Variants in CCDC83 observed in about 807,000 individuals in gnomAD.
CCDC83 encodes the protein coiled-coil domain containing 83.
Under a neutral mutation model 50.1 loss-of-function variants are expected in CCDC83, and 54 were observed. The ratio of observed to expected loss-of-function variants is 1.08; its 90% CI spans 0.87 to 1.35. The LOEUF (loss-of-function observed/expected upper bound fraction) is 1.35, where lower values mean the gene tolerates loss of function less well. CCDC83 is among the 40% of genes most tolerant of loss of function. The pLI is 0.00. For synonymous variants in CCDC83, 161 were observed against 153.3 expected, an observed-to-expected ratio of 1.05 and a Z score of -0.37; for missense variants, 518 against 473.9, an observed-to-expected ratio of 1.09 and a Z score of -0.86.
chr11:85,917,231 A>AAAGAAAGAAAG (rs1554986962), intron 10 of CCDC83, among the ~76,000 whole-genome samples: 3 of 134,070 alleles, frequency 2.2e-5, no homozygotes. Context: ...AGAAAGAAAG[A>AAAGAAAGAAAG]AAAGAAAGAA....
chr11:85,883,625 T>C (rs1002657167), intron 4 of CCDC83, among the ~76,000 whole-genome samples: 1 of 152,196 alleles, frequency 6.6e-6, no homozygotes, highest in Non-Finnish European at 1.5e-5. Flanking sequence ...CTAAACTTGC[T>C]GCTAAGATTT....
At chr11:85,857,086 A>G (rs2093145943) in intron 1 of CCDC83, among the ~76,000 whole-genome samples, 1 of 152,148 alleles carries the variant, frequency 6.6e-6, no homozygotes, top group Non-Finnish European at 1.5e-5. Flanking sequence ...CACCACCAGC[A>G]TGTCTGACAA....
At chr11:85,884,533 C>G (rs2093317247) in intron 4 of CCDC83, among the ~76,000 whole-genome samples, 2 of 152,124 alleles carry the variant, frequency 1.3e-5, no homozygotes, top group Non-Finnish European at 2.9e-5. Context: ...ATAAAAAATC[C>G]AAGTCAAACT....
chr11:85,899,892 C>T (rs755896943), intron 7 of CCDC83, among the ~76,000 whole-genome samples: 1 of 152,080 alleles, frequency 6.6e-6, no homozygotes, highest in Non-Finnish European at 1.5e-5. Flanking sequence ...CATCCTACCT[C>T]TCCTGAGGGC....
intron 6 of CCDC83, 24 bp from the exon 7 acceptor site, chr11:85,898,923 C>G (rs2093387563): frequency 6.4e-7 from 1 of 1,572,976 alleles, no homozygotes; most frequent in Admixed American, 1.7e-5. Flanking sequence ...GCAACTCTTC[C>G]TTAATCCAGA....
intron 10 of CCDC83, among the ~76,000 whole-genome samples, chr11:85,917,157 A>AGAGAG (rs2093481759): frequency 9.8e-6 from 1 of 101,772 alleles, no homozygotes; most frequent in African/African-American, 3.8e-5. Flanking sequence ...AGAGAGAGAG[A>AGAGAG]GAGAGAGAGA....
chr11:85,882,786 C>A, intron 4 of CCDC83, 111 bp downstream of exon 4: 1 of 1,002,238 alleles, frequency 1.0e-6, no homozygotes. Flanking sequence ...GTATTTTAAA[C>A]GGCATCATTA....
chr11:85,899,333 G>A (rs2093390092), intron 7 of CCDC83, among the ~76,000 whole-genome samples: 1 of 152,186 alleles, frequency 6.6e-6, no homozygotes, highest in South Asian at 2.1e-4. Flanking sequence ...AAGTCTAAAG[G>A]ACCATTCTAA....
chr11:85,893,958 A>C (rs757400168), intron 5 of CCDC83, among the ~76,000 whole-genome samples: 1 of 152,110 alleles, frequency 6.6e-6, no homozygotes, highest in Non-Finnish European at 1.5e-5. Flanking sequence ...GAATGAACAA[A>C]TTGGACTCAC....
intron 5 of CCDC83, among the ~76,000 whole-genome samples, chr11:85,893,374 G>T (rs1216447148): frequency 6.6e-6 from 1 of 152,180 alleles, no homozygotes; most frequent in East Asian, 1.9e-4. Context: ...GAGTTCTGGT[G>T]GTAGCTGCCT....
At chr11:85,881,694 C>G (rs2093301375) in intron 3 of CCDC83, among the ~76,000 whole-genome samples, 1 of 152,184 alleles carries the variant, frequency 6.6e-6, no homozygotes, top group African/African-American at 2.4e-5. Context: ...ACTGGAATTA[C>G]AGGCATGAGC....
At chr11:85,891,953 G>A (rs946562443) in intron 5 of CCDC83, among the ~76,000 whole-genome samples, 1 of 152,158 alleles carries the variant, frequency 6.6e-6, no homozygotes, top group Non-Finnish European at 1.5e-5. Flanking sequence ...CAGTGAGTTG[G>A]GGCGGCTCTA....
At chr11:85,879,896 G>A (rs2093290196) in intron 3 of CCDC83, among the ~76,000 whole-genome samples, 2 of 152,290 alleles carry the variant, frequency 1.3e-5, no homozygotes, top group South Asian at 4.1e-4. Flanking sequence ...AATTACAGGC[G>A]TGAGCCACCG....
intron 1 of CCDC83, among the ~76,000 whole-genome samples, chr11:85,859,601 G>C (rs1478145892): frequency 6.6e-6 from 1 of 152,180 alleles, no homozygotes; most frequent in Non-Finnish European, 1.5e-5. Context: ...ATGGTGCTGG[G>C]ATAACTGGCT....
At chr11:85,855,337 T>A (rs1007534059), upstream of CCDC83, 1 of 152,532 alleles carries the variant, frequency 6.6e-6, no homozygotes, top group African/African-American at 2.4e-5. Context: ...GGGCCTGGGC[T>A]TGCGCCGCTT....
rs1384918258 is a variant in CCDC83, at chr11:85,916,049, C to T, written c.896C>T (p.Pro299Leu). ...THIEEKSELQ[P>L]TEVESRDLMS... The stretch of plus-strand genomic sequence containing the variant: ...CAAGAAGAGAAGTCAGAATTGCAAC[C>T]CACAGAAGTAGAAAGTAGAGACTTG... Residue 299 changes from proline (P) to leucine (L), a missense_variant, in exon 10 of 11, where the codon CCC (proline) becomes CTC (leucine). Transcript: ENST00000342404. 2 of 1,610,384 alleles carry T rather than the reference C, an allele frequency of 1.2e-6. No individual in the cohort carries two copies.
Position 85,901,714 on chromosome 11 carries a change from C to T in CCDC83, c.672+2699C>T, listed in dbSNP as rs111545737. Among the ~76,000 whole-genome samples, 108 of 150,416 alleles carry T rather than the reference C, an allele frequency of 7.2e-4. 1 individual carries two copies. The highest frequency in any genetic ancestry group is 2.5e-3 in the African/African-American group (103 of 41,062). ...TAAGATGTACAATATCCAACTAATA[C>T]AAATACACAGTAATTTCAGAAAGAA... On this transcript the variant is annotated intron_variant, in intron 7 of 10. Coordinates refer to ENST00000342404, the MANE Select transcript of CCDC83 (RefSeq NM_001286159.2).
At chr11:85,910,375 A>G (rs1368937684) in intron 7 of CCDC83, among the ~76,000 whole-genome samples, 1 of 152,238 alleles carries the variant, frequency 6.6e-6, no homozygotes, top group African/African-American at 2.4e-5. Context: ...ATACAACTGA[A>G]TGAATGAACG....
chr11:85,898,048 C>T (rs1424249458), intron 6 of CCDC83, among the ~76,000 whole-genome samples: 1 of 151,814 alleles, frequency 6.6e-6, no homozygotes, highest in Non-Finnish European at 1.5e-5. Context: ...ATCCCAGCTA[C>T]TCAGGAGGCT....
Sources: allele counts gnomAD v4.1 joint callset (sites outside exome capture counted in the v4.1 genomes callset), GRCh38; gene constraint gnomAD v4.1.1; transcripts MANE v1.5; gene names NCBI Gene and HGNC (gene_info 2026-07-23, HGNC 2026-07-21).